FUT9: variants seen among roughly 807,000 people sequenced by gnomAD.
FUT9 encodes the protein 4-galactosyl-N-acetylglucosaminide 3-alpha-L-fucosyltransferase 9.
FUT9 carries 15 observed loss-of-function variants against 29.7 expected under a neutral mutation model. The observed-to-expected ratio is 0.51, with a 90% CI of 0.34 to 0.78. The LOEUF (loss-of-function observed/expected upper bound fraction) is 0.78. Ranked by LOEUF, FUT9 falls within the 30% of genes least tolerant of loss-of-function variation. The pLI, the probability that FUT9 is intolerant of heterozygous loss-of-function variation, is 0.01. For missense variants in FUT9, 319 were observed against 425.4 expected (o/e 0.75, Z 2.20); for synonymous variants, 169 against 153.7 (o/e 1.10, Z -0.74).
intron 1 of FUT9, among the ~76,000 whole-genome samples, chr6:96,025,427 A>G (rs1243936952): frequency 6.6e-6 from 1 of 151,794 alleles, no homozygotes; most frequent in African/African-American, 2.4e-5. Context: ...ATAATTTGCA[A>G]ACATCTTTGT....
chr6:96,078,199 C>G (rs1771171517), intron 1 of FUT9, among the ~76,000 whole-genome samples: 1 of 151,902 alleles, frequency 6.6e-6, no homozygotes, highest in African/African-American at 2.4e-5. Context: ...ATTTCCTCAA[C>G]TGTGTTTTTC....
chr6:96,149,340 C>A (rs1485404713), intron 2 of FUT9, among the ~76,000 whole-genome samples: 7 of 147,756 alleles, frequency 4.7e-5, no homozygotes, highest in African/African-American at 5.1e-5. Context: ...TTAAGGCAGA[C>A]AAAAAAAAAA....
At chr6:96,163,967 A>G (rs1772961433) in intron 2 of FUT9, among the ~76,000 whole-genome samples, 1 of 152,150 alleles carries the variant, frequency 6.6e-6, no homozygotes, top group Admixed American at 6.5e-5. Context: ...CTGTGACACA[A>G]CCTCAGGAGA....
intron 2 of FUT9, among the ~76,000 whole-genome samples, chr6:96,115,902 G>A (rs1270307586): frequency 6.6e-6 from 1 of 151,938 alleles, no homozygotes; most frequent in African/African-American, 2.4e-5. Flanking sequence ...TACTTGCTTT[G>A]TTGTAACTAA....
intron 2 of FUT9, among the ~76,000 whole-genome samples, chr6:96,188,327 C>A (rs976378686): frequency 6.6e-6 from 1 of 151,868 alleles, no homozygotes; most frequent in African/African-American, 2.4e-5. Flanking sequence ...AGTGCAGTGG[C>A]ACAATCGTAG....
At chr6:96,051,512 G>GC (rs1180829908) in intron 1 of FUT9, among the ~76,000 whole-genome samples, 1 of 151,900 alleles carries the variant, frequency 6.6e-6, no homozygotes, top group Non-Finnish European at 1.5e-5. Context: ...AATTTGCTGG[G>GC]CATGGTGGTG....
chr6:96,094,762 A>G (rs1442465578), intron 1 of FUT9, among the ~76,000 whole-genome samples: 1 of 152,162 alleles, frequency 6.6e-6, no homozygotes, highest in Non-Finnish European at 1.5e-5. Flanking sequence ...CTTCCAGGCT[A>G]GAGGGAACTA....
At chr6:96,034,965 G>T (rs1770325382) in intron 1 of FUT9, among the ~76,000 whole-genome samples, 1 of 151,750 alleles carries the variant, frequency 6.6e-6, no homozygotes, top group African/African-American at 2.4e-5. Context: ...TGGATAAGAG[G>T]AGATAAGCAA....
chr6:96,126,240 G>A (rs537011214), intron 2 of FUT9, among the ~76,000 whole-genome samples: 7 of 152,296 alleles, frequency 4.6e-5, no homozygotes, highest in East Asian at 1.9e-4. Context: ...ACCAGTATCT[G>A]CTCAGCTTCT....
chr6:96,141,781 C>T (rs901094576), intron 2 of FUT9, among the ~76,000 whole-genome samples: 4 of 152,198 alleles, frequency 2.6e-5, no homozygotes, highest in African/African-American at 4.8e-5. Flanking sequence ...TCAGTCCTTG[C>T]TAGGGCTTAT....
At chr6:96,106,187 C>A (rs1771676536) in intron 1 of FUT9, among the ~76,000 whole-genome samples, 1 of 130,936 alleles carries the variant, frequency 7.6e-6, no homozygotes, top group African/African-American at 2.7e-5. Flanking sequence ...AGAATGAGCC[C>A]AAGATAAATC....
At position 96,042,099 on chromosome 6, in the gene FUT9, G is replaced by A. The variant is rs529706991; in HGVS notation, c.-98+25887G>A. On this transcript the variant is annotated intron_variant, in intron 1 of 2. Coordinates refer to ENST00000302103, the MANE Select transcript of FUT9 (RefSeq NM_006581.4). ...GCTCAGTTCACTCCCCCACCATCCCGACATCCCTAGGTTCATCCTGGTCAG... is the reference window on the plus strand; with the variant it reads ...GCTCAGTTCACTCCCCCACCATCCCAACATCCCTAGGTTCATCCTGGTCAG... Among the ~76,000 whole-genome samples, 33 of 152,114 alleles carry A rather than the reference G, an allele frequency of 2.2e-4. No homozygotes were observed. In the South Asian group the frequency reaches 6.6e-3, roughly 31 times the overall value.
chr6:96,083,535 C>T (rs1215374887), intron 1 of FUT9, among the ~76,000 whole-genome samples: 1 of 152,004 alleles, frequency 6.6e-6, no homozygotes, highest in Non-Finnish European at 1.5e-5. Context: ...ATGTTCTAGC[C>T]TCTCTATTGC....
intron 2 of FUT9, among the ~76,000 whole-genome samples, chr6:96,120,007 G>A (rs962341035): frequency 6.6e-6 from 1 of 152,042 alleles, no homozygotes; most frequent in Non-Finnish European, 1.5e-5. Context: ...TGCAAAATCA[G>A]TGTGATCCAT....
chr6:96,114,904 T>G (rs2127962251), intron 2 of FUT9, among the ~76,000 whole-genome samples: 1 of 152,288 alleles, frequency 6.6e-6, no homozygotes, highest in Middle Eastern at 3.4e-3. Context: ...TCCCTACAAT[T>G]TAAGGCATGT....
At chr6:96,134,187 G>GAATAATA (rs1248701311) in intron 2 of FUT9, among the ~76,000 whole-genome samples, 1 of 151,754 alleles carries the variant, frequency 6.6e-6, no homozygotes, top group Non-Finnish European at 1.5e-5. Flanking sequence ...AATAGCCAAA[G>GAATAATA]ATAAATAGAA....
intron 1 of FUT9, among the ~76,000 whole-genome samples, chr6:96,113,021 C>T (rs566462784): frequency 3.0e-4 from 46 of 152,074 alleles, no homozygotes; most frequent in Non-Finnish European, 6.5e-4. Flanking sequence ...CTTTATATTT[C>T]TAAGCATTCA....
At chr6:96,066,578 T>A (rs1172417291) in intron 1 of FUT9, among the ~76,000 whole-genome samples, 3 of 152,096 alleles carry the variant, frequency 2.0e-5, no homozygotes, top group African/African-American at 7.2e-5. Context: ...TAATTTAACA[T>A]GTTCTTCCAC....
intron 2 of FUT9, among the ~76,000 whole-genome samples, chr6:96,179,284 C>T (rs1773263779): frequency 6.6e-6 from 1 of 151,884 alleles, no homozygotes; most frequent in Admixed American, 6.6e-5. Flanking sequence ...TTTATGTCTC[C>T]CGTGTACCAG....
Sources: gnomAD v4.1 joint callset for allele counts (sites outside exome capture counted in the v4.1 genomes callset) on GRCh38, gnomAD v4.1.1 for gene constraint, MANE v1.5 for transcripts, NCBI Gene and HGNC (gene_info 2026-07-23, HGNC 2026-07-21) for gene names.